The following SGCZ variants were observed in gnomAD, a reference collection of about 807,000 sequenced individuals.
SGCZ encodes the protein zeta-sarcoglycan.
Under a neutral mutation model 41.3 loss-of-function variants are expected in SGCZ, and 40 were observed. The ratio of observed to expected loss-of-function variants is 0.97; its 90% confidence interval spans 0.75 to 1.26. SGCZ has a LOEUF of 1.26. Ranked by LOEUF, SGCZ falls within the 50% of genes most tolerant of loss-of-function variation. The probability of loss-of-function intolerance (pLI) is 0.00; values close to 1 mark genes in which losing one functional copy is unlikely to be tolerated. For missense variants in SGCZ, 552 were observed against 369.8 expected, an observed-to-expected ratio of 1.49 and a Z score of -4.04; for synonymous variants, 206 against 137.5, an observed-to-expected ratio of 1.50 and a Z score of -3.49.
intron 1 of SGCZ, among the ~76,000 whole-genome samples, chr8:14,734,707 G>A (rs1204077378): frequency 6.6e-6 from 1 of 152,010 alleles, no homozygotes; most frequent in African/African-American, 2.4e-5. Flanking sequence ...TACATTAAGT[G>A]CTCTTGATTG....
intron 2 of SGCZ, among the ~76,000 whole-genome samples, chr8:14,485,707 T>A (rs1801652261): frequency 6.6e-6 from 1 of 152,204 alleles, no homozygotes; most frequent in Non-Finnish European, 1.5e-5. Context: ...AGATGTCCAG[T>A]AATCTAATTG....
chr8:14,684,252 C>T (rs547599655), intron 1 of SGCZ, among the ~76,000 whole-genome samples: 2 of 152,000 alleles, frequency 1.3e-5, no homozygotes, highest in African/African-American at 2.4e-5. Context: ...TGTTTTGGCC[C>T]AGTTTAATAA....
chr8:14,584,246 G>T (rs1020567554), intron 1 of SGCZ, among the ~76,000 whole-genome samples: 1 of 152,122 alleles, frequency 6.6e-6, no homozygotes, highest in Non-Finnish European at 1.5e-5. Flanking sequence ...ATCATGAAAA[G>T]AGAGGACATG....
At chr8:14,440,573 A>T (rs1022909800) in intron 2 of SGCZ, among the ~76,000 whole-genome samples, 1 of 152,100 alleles carries the variant, frequency 6.6e-6, no homozygotes. Context: ...CTCTATTTTC[A>T]TAAGTCACCT....
intron 1 of SGCZ, among the ~76,000 whole-genome samples, chr8:15,141,207 T>C (rs1808307118): frequency 6.6e-6 from 1 of 152,256 alleles, no homozygotes; most frequent in Admixed American, 6.5e-5. Flanking sequence ...TTGAGTAACT[T>C]GTCTTTCCCA....
intron 2 of SGCZ, among the ~76,000 whole-genome samples, chr8:14,324,967 G>T (rs1286354078): frequency 6.6e-6 from 1 of 152,156 alleles, no homozygotes; most frequent in Non-Finnish European, 1.5e-5. Flanking sequence ...TTAGATAACA[G>T]CATCTGATCT....
chr8:14,368,275 T>C (rs1047682028), intron 2 of SGCZ, among the ~76,000 whole-genome samples: 1 of 152,062 alleles, frequency 6.6e-6, no homozygotes, highest in Non-Finnish European at 1.5e-5. Flanking sequence ...TCTAACTGCA[T>C]TTCATTAATC....
chr8:14,543,960 G>C (rs1320605692), intron 2 of SGCZ, among the ~76,000 whole-genome samples: 1 of 152,042 alleles, frequency 6.6e-6, no homozygotes, highest in Non-Finnish European at 1.5e-5. Flanking sequence ...ACCAGTGTTT[G>C]TGAGAATGGA....
chr8:14,230,706 T>G (rs1439624367), intron 4 of SGCZ, among the ~76,000 whole-genome samples: 1 of 150,930 alleles, frequency 6.6e-6, no homozygotes, highest in Admixed American at 6.6e-5. Flanking sequence ...CTACATGTTT[T>G]AATAATTTTA....
intron 2 of SGCZ, among the ~76,000 whole-genome samples, chr8:14,524,737 T>C (rs1457358746): frequency 1.3e-5 from 2 of 152,076 alleles, no homozygotes; most frequent in Non-Finnish European, 2.9e-5. Flanking sequence ...TCGTACTTAG[T>C]GGCAGGAATA....
At chr8:14,921,971 A>G (rs1799600805) in intron 1 of SGCZ, among the ~76,000 whole-genome samples, 1 of 152,178 alleles carries the variant, frequency 6.6e-6, no homozygotes, top group Non-Finnish European at 1.5e-5. Flanking sequence ...AGAATAAAGC[A>G]ATATTTCTGG....
intron 1 of SGCZ, among the ~76,000 whole-genome samples, chr8:15,170,210 G>T (rs1799786915): frequency 6.6e-6 from 1 of 152,140 alleles, no homozygotes; most frequent in Admixed American, 6.5e-5. Flanking sequence ...GTCTGTGCCT[G>T]CCTGAGATCT....
chr8:15,193,176 T>C (rs1204816542), intron 1 of SGCZ, among the ~76,000 whole-genome samples: 1 of 152,072 alleles, frequency 6.6e-6, no homozygotes, highest in African/African-American at 2.4e-5. Flanking sequence ...TAGTTTAATG[T>C]ATTATTTCTC....
At chr8:14,106,055 A>G (rs930984896) in intron 6 of SGCZ, among the ~76,000 whole-genome samples, 121 of 152,220 alleles carry the variant, frequency 7.9e-4, no homozygotes, top group Non-Finnish European at 1.4e-3. Flanking sequence ...GTTCCTTTGT[A>G]ATAACTGCAG....
intron 1 of SGCZ, among the ~76,000 whole-genome samples, chr8:14,840,648 TTAGAAG>T (rs771680212): frequency 1.6e-4 from 25 of 152,218 alleles, no homozygotes; most frequent in Non-Finnish European, 2.8e-4. Context: ...CTATCTTAAC[TTAGAAG>T]TAGAGCATGA....
At chr8:14,253,635 G>C (rs902570614) in intron 3 of SGCZ, among the ~76,000 whole-genome samples, 9 of 152,036 alleles carry the variant, frequency 5.9e-5, no homozygotes, top group Non-Finnish European at 1.3e-4. Context: ...TATCTAATGA[G>C]AACTTCTAGT....
intron 1 of SGCZ, among the ~76,000 whole-genome samples, chr8:14,875,618 T>G (rs547843260): frequency 6.6e-6 from 1 of 152,248 alleles, no homozygotes; most frequent in South Asian, 2.1e-4. Context: ...GACTGTGGTT[T>G]TCTCATCTGT....
chr8:14,822,931 A>G (rs1802159228), intron 1 of SGCZ, among the ~76,000 whole-genome samples: 1 of 152,084 alleles, frequency 6.6e-6, no homozygotes, highest in East Asian at 1.9e-4. Context: ...CCATGCCACT[A>G]TAACCCCAGC....
chr8:14,883,551 C>G (rs1563337315), intron 1 of SGCZ, among the ~76,000 whole-genome samples: 1 of 152,082 alleles, frequency 6.6e-6, no homozygotes, highest in Non-Finnish European at 1.5e-5. Context: ...ACAGAATTCA[C>G]TTGTCCAAGA....
Sources: gnomAD v4.1 joint callset for allele counts (sites outside exome capture counted in the v4.1 genomes callset) on GRCh38, gnomAD v4.1.1 for gene constraint, MANE v1.5 for transcripts, NCBI Gene and HGNC (gene_info 2026-07-23, HGNC 2026-07-21) for gene names.